KIR2DL3: variants seen among roughly 807,000 people sequenced by gnomAD.
KIR2DL3 encodes the protein killer cell immunoglobulin like receptor, two Ig domains and long cytoplasmic tail 3.
KIR2DL3 carries 39 observed loss-of-function variants against 33.8 expected under a neutral mutation model. The ratio of observed to expected loss-of-function variants is 1.15; its 90% CI spans 0.89 to 1.51. The LOEUF (loss-of-function observed/expected upper bound fraction) is 1.51, where lower values mean the gene tolerates loss of function less well. Ranked by LOEUF, KIR2DL3 falls within the 40% of genes most tolerant of loss-of-function variation. The pLI, the probability that KIR2DL3 is intolerant of heterozygous loss-of-function variation, is 0.00. For missense variants in KIR2DL3, 462 were observed against 426.2 expected (o/e 1.08, Z -0.74); for synonymous variants, 174 against 160.2 (o/e 1.09, Z -0.65).
intron 3 of KIR2DL3, among the ~76,000 whole-genome samples, chr19:54,742,987 G>C (rs1377990451): frequency 6.6e-6 from 1 of 152,010 alleles, no homozygotes; most frequent in Non-Finnish European, 1.5e-5. Flanking sequence ...AGAGAAAAGA[G>C]GGCAGAGGAG....
intron 2 of KIR2DL3, among the ~76,000 whole-genome samples, chr19:54,741,105 C>T (rs1208203662): frequency 1.3e-5 from 2 of 151,398 alleles, no homozygotes; most frequent in Admixed American, 1.3e-4. Context: ...TCTCCTGCTG[C>T]CATGCTTCTG....
intron 4 of KIR2DL3, 34 bp downstream of exon 4, chr19:54,744,122 G>A: frequency 1.2e-6 from 2 of 1,613,290 alleles, no homozygotes; most frequent in Non-Finnish European, 1.7e-6. Context: ...CATGTCCTAT[G>A]ATCCTAGAGC....
At chr19:54,739,628 T>C (rs1482766514) in intron 2 of KIR2DL3, 86 bp downstream of exon 2, 1 of 1,607,658 alleles carries the variant, frequency 6.2e-7, no homozygotes, top group African/African-American at 1.3e-5. Flanking sequence ...TCGGGGAGTC[T>C]CTCATAAACT....
chr19:54,740,982 A>T (rs2070965061), intron 2 of KIR2DL3, among the ~76,000 whole-genome samples: 1 of 151,458 alleles, frequency 6.6e-6, no homozygotes, highest in Admixed American at 6.6e-5. Context: ...AAGTCAAGGA[A>T]CTGATTCTCC....
intron 4 of KIR2DL3, among the ~76,000 whole-genome samples, chr19:54,744,884 A>ATG (rs1159709694): frequency 0.049 from 4,617 of 94,226 alleles, 167 homozygotes; most frequent in Middle Eastern, 0.084. Flanking sequence ...ATATATATAT[A>ATG]TATATATATA....
intron 6 of KIR2DL3, 55 bp downstream of exon 6, chr19:54,751,808 T>A (rs2073486812): frequency 7.6e-7 from 1 of 1,318,278 alleles, no homozygotes; most frequent in Admixed American, 1.9e-5. Context: ...GGAAGCAGGA[T>A]GGGAGCACTC....
chr19:54,741,454 G>C (rs112005178), intron 2 of KIR2DL3, among the ~76,000 whole-genome samples: 2 of 152,294 alleles, frequency 1.3e-5, no homozygotes, highest in East Asian at 1.9e-4. Flanking sequence ...GGGAGGGGTT[G>C]ATACTCCTCC....
rs535845538 is a variant in KIR2DL3 at position 54,743,788 on chromosome 19, C to G, written c.371-7C>G. On this transcript the variant is annotated splice_polypyrimidine_tract_variant and splice_region_variant and intron_variant, in intron 3 of 7. Coordinates refer to ENST00000342376, the MANE Select transcript of KIR2DL3 (RefSeq NM_015868.3). Reference sequence around the variant, plus strand: ...CCTCCGTAAGGAAAATGCCTCTTCTCCTCCAGGTCTATATGAGAAACCTTC... The same window carrying G: ...CCTCCGTAAGGAAAATGCCTCTTCTGCTCCAGGTCTATATGAGAAACCTTC... 2 of 1,565,190 alleles carry G rather than the reference C, an allele frequency of 1.3e-6. No individual in the cohort carries two copies. Among genetic ancestry groups the G allele is most frequent in the Admixed American group, 1.9e-5 (1 of 52,690 alleles).
At chr19:54,744,777 T>A (rs1215918678) in intron 4 of KIR2DL3, among the ~76,000 whole-genome samples, 13 of 144,824 alleles carry the variant, frequency 9.0e-5, no homozygotes, top group East Asian at 2.0e-4. Flanking sequence ...CACCCGCATC[T>A]GCCTCCCAAA....
intron 4 of KIR2DL3, among the ~76,000 whole-genome samples, chr19:54,745,347 T>C (rs1209924626): frequency 6.6e-6 from 1 of 151,994 alleles, no homozygotes; most frequent in Non-Finnish European, 1.5e-5. Flanking sequence ...AAAGTTCTCT[T>C]TTTAGTTATT....
At chr19:54,745,117 A>G (rs751878461) in intron 4 of KIR2DL3, among the ~76,000 whole-genome samples, 1 of 151,480 alleles carries the variant, frequency 6.6e-6, no homozygotes, top group African/African-American at 2.4e-5. Context: ...GTGGCTGCAA[A>G]TATCAGGATG....
At chr19:54,747,008 G>T (rs78852323) in intron 4 of KIR2DL3, among the ~76,000 whole-genome samples, 16,934 of 107,100 alleles carry the variant, frequency 0.16, 1,896 homozygotes, top group African/African-American at 0.22. Flanking sequence ...AAACATTGGA[G>T]GTAAATGCAT....
chr19:54,739,815 C>T (rs1402066008), intron 2 of KIR2DL3, among the ~76,000 whole-genome samples: 1 of 152,226 alleles, frequency 6.6e-6, no homozygotes, highest in Non-Finnish European at 1.5e-5. Flanking sequence ...AAAGGTGTTA[C>T]TCACACACTT....
At chr19:54,744,184 G>C (rs1248234090) in intron 4 of KIR2DL3, 96 bp downstream of exon 4, 1 of 1,552,492 alleles carries the variant, frequency 6.4e-7, no homozygotes, top group East Asian at 2.3e-5. Context: ...GACAGATGCA[G>C]AGAGAAGACG....
chr19:54,744,954 ATTTTTTTTT>A lies in KIR2DL3; in HGVS notation c.664+881_664+889del, dbSNP rs71195797. Reference sequence around the variant, plus strand: ...TATATATATATATATATATATATATATTTTTTTTTTTTTTTTTTTTTTTACCCTCCACCC... The same window carrying A: ...TATATATATATATATATATATATATATTTTTTTTTTTTTTACCCTCCACCC... On this transcript the variant is annotated intron_variant, in intron 4 of 7. Coordinates refer to ENST00000342376, the MANE Select transcript of KIR2DL3 (RefSeq NM_015868.3). Among the ~76,000 whole-genome samples, 183 of 31,122 alleles carry A rather than the reference ATTTTTTTTT, an allele frequency of 5.9e-3. 1 individual carries two copies. The highest frequency in any genetic ancestry group is 0.011 in the South Asian group (10 of 874). The allele number at this position is 31,122 out of a possible 152,430, so 20.4% of individuals were successfully genotyped here.
At chr19:54,744,954 ATTTTTTTTTT>A (rs71195797) in intron 4 of KIR2DL3, among the ~76,000 whole-genome samples, 200 of 30,826 alleles carry the variant, frequency 6.5e-3, no homozygotes, top group South Asian at 0.013. Context: ...ATATATATAT[ATTTTTTTTTT>A]TTTTTTTTTT....
At position 54,742,315 on chromosome 19, in the gene KIR2DL3, T is replaced by A. The variant is rs778204419; in HGVS notation, c.370+36T>A. On this transcript the variant is annotated intron_variant, in intron 3 of 7. Coordinates refer to ENST00000342376, the MANE Select transcript of KIR2DL3 (RefSeq NM_015868.3). ...CCGGACATTCTCATTGTCATTGGGATGCAGAGTGAATGATCCACGACTTGG... is the reference window on the plus strand; with the variant it reads ...CCGGACATTCTCATTGTCATTGGGAAGCAGAGTGAATGATCCACGACTTGG... The A allele has an allele frequency of 1.1e-5, 18 of 1,610,204 alleles. No homozygotes were observed. The African/African-American group carries it at 2.1e-4, about 19-fold the overall frequency.
chr19:54,744,895 T>TAC (rs1402301163), intron 4 of KIR2DL3, among the ~76,000 whole-genome samples: 1 of 64,608 alleles, frequency 1.5e-5, no homozygotes, highest in African/African-American at 5.5e-5. Flanking sequence ...TATATATATA[T>TAC]ATACACACAC....
chr19:54,752,266 G>A lies in KIR2DL3; in HGVS notation c.871G>A (p.Glu291Lys). Residue 291 changes from glutamate to lysine, a missense_variant and splice_region_variant, in exon 7 of 8, where the codon GAG becomes AAG. Transcript: ENST00000342376. ...TGCAGGGAACAGAACAGTGAACAGG[G>A]AGGTAGGTGCTCCTCGGCCCAGCCT... ...EPAGNRTVNR[E>K]DSDEQDPQEV... 1 of 1,475,522 alleles carries A rather than the reference G, an allele frequency of 6.8e-7. No homozygotes were observed. Among genetic ancestry groups the A allele is most frequent in the Non-Finnish European group, 9.2e-7 (1 of 1,082,910 alleles). 91.4% of individuals were successfully genotyped at this position (1,475,522 alleles called of 1,614,324 possible).
Sources: gnomAD v4.1 joint callset for allele counts (sites outside exome capture counted in the v4.1 genomes callset) on GRCh38, gnomAD v4.1.1 for gene constraint, MANE v1.5 for transcripts, NCBI Gene and HGNC (gene_info 2026-07-23, HGNC 2026-07-21) for gene names.